The following ATRX variants were observed in gnomAD, a reference collection of about 807,000 sequenced individuals.
ATRX encodes chromatin remodeler ATRX.
ATRX carries 12 observed loss-of-function variants against 172.6 expected under a neutral mutation model. That is an observed-to-expected ratio of 0.07 (90% CI 0.04 to 0.11). ATRX has a LOEUF of 0.11. Among genes scored for constraint, ATRX ranks in the 10% least tolerant of loss-of-function variants. The pLI is 1.00. For missense variants in ATRX, 1,368 were observed against 1,767.4 expected, an observed-to-expected ratio of 0.77 and a Z score of 4.05; for synonymous variants, 674 against 594.7, an observed-to-expected ratio of 1.13 and a Z score of -1.94.
At chrX:77,762,469 T>C (rs2075754652) in intron 1 of ATRX, among the ~76,000 whole-genome samples, 1 of 110,716 alleles carries the variant, frequency 9.0e-6, no homozygotes, top group African/African-American at 3.3e-5. Flanking sequence ...TAATAAAGGT[T>C]CGTAGAACAT....
intron 12 of ATRX, among the ~76,000 whole-genome samples, chrX:77,662,194 A>T (rs1703015329): frequency 9.0e-6 from 1 of 111,587 alleles, no homozygotes; most frequent in South Asian, 3.7e-4. Flanking sequence ...TTTATAATAC[A>T]AAGGTCAATA....
At chrX:77,592,822 AAAAT>A (rs1462979126) in intron 26 of ATRX, among the ~76,000 whole-genome samples, 5 of 111,334 alleles carry the variant, frequency 4.5e-5, no homozygotes, top group African/African-American at 1.6e-4. Context: ...CAAAAAAAAA[AAAAT>A]AATGTTTTTG....
chrX:77,609,317 A>C (rs1386475218), intron 22 of ATRX, among the ~76,000 whole-genome samples: 1 of 111,984 alleles, frequency 8.9e-6, no homozygotes, highest in Non-Finnish European at 1.9e-5. Flanking sequence ...AACAGCCAAG[A>C]TTTGGAAGCA....
chrX:77,731,085 TAAAAAAAA>T (rs782512439), intron 1 of ATRX, among the ~76,000 whole-genome samples: 1 of 48,573 alleles, frequency 2.1e-5, no homozygotes, highest in African/African-American at 7.9e-5. Context: ...TTGGCCAGAG[TAAAAAAAA>T]AAAAAGAAAA....
At chrX:77,596,235 T>C (rs1312114908) in intron 25 of ATRX, 1 of 111,659 alleles carries the variant, frequency 9.0e-6, no homozygotes, top group Admixed American at 9.5e-5. Context: ...GTTAACCCTT[T>C]AATACTTCCT....
chrX:77,589,740 T>TG (rs2066165798), intron 27 of ATRX, 94 bp downstream of exon 27: 1 of 754,117 alleles, frequency 1.3e-6, no homozygotes, highest in African/African-American at 2.1e-5. Context: ...GTTGTGAGAC[T>TG]GGGTAGTTTT....
At chrX:77,603,131 T>C (rs1484384069) in intron 22 of ATRX, among the ~76,000 whole-genome samples, 3 of 111,020 alleles carry the variant, frequency 2.7e-5, no homozygotes, top group African/African-American at 9.8e-5. Context: ...AATTGAATAA[T>C]CTACAGGAAA....
chrX:77,711,493 G>A (rs1397414500), intron 2 of ATRX, among the ~76,000 whole-genome samples: 1 of 112,480 alleles, frequency 8.9e-6, no homozygotes, highest in African/African-American at 3.2e-5. Flanking sequence ...ATACTATTTA[G>A]AACTAATAAG....
At chrX:77,685,119 A>G (rs2071479605) in intron 7 of ATRX, 113 bp from the exon 8 acceptor site, 3 of 590,995 alleles carry the variant, frequency 5.1e-6, no homozygotes, top group African/African-American at 4.5e-5. Context: ...TCTCCAGGAC[A>G]CTGGTGTGGG....
intron 27 of ATRX, among the ~76,000 whole-genome samples, chrX:77,581,160 G>A (rs1303131176): frequency 1.8e-5 from 2 of 111,019 alleles, no homozygotes; most frequent in African/African-American, 6.5e-5. Context: ...GAAAGAAGAC[G>A]AGCCCAAAAA....
intron 34 of ATRX, among the ~76,000 whole-genome samples, chrX:77,510,124 G>A (rs2062822503): frequency 8.9e-6 from 1 of 112,108 alleles, no homozygotes; most frequent in Non-Finnish European, 1.9e-5. Context: ...AGGGCACCAG[G>A]CAGAGTCCTG....
intron 26 of ATRX, 133 bp from the exon 27 acceptor site, chrX:77,590,073 T>C (rs2066179613): frequency 1.7e-6 from 1 of 574,663 alleles, no homozygotes; most frequent in East Asian, 3.7e-5. Context: ...AATTACAAGG[T>C]GATTGTAAAA....
At chrX:77,710,933 AACAC>A (rs145847838) in intron 2 of ATRX, among the ~76,000 whole-genome samples, 18 of 97,926 alleles carry the variant, frequency 1.8e-4, no homozygotes, top group East Asian at 3.2e-4. Context: ...ATAGAACTTT[AACAC>A]ACACACACAC....
intron 30 of ATRX, among the ~76,000 whole-genome samples, chrX:77,550,257 A>T (rs1210025996): frequency 8.9e-6 from 1 of 111,872 alleles, no homozygotes; most frequent in Non-Finnish European, 1.9e-5. Flanking sequence ...AGTGCCAAGC[A>T]ATTATCCACC....
chrX:77,622,226 C>T (rs1476497057), intron 19 of ATRX, among the ~76,000 whole-genome samples: 3 of 111,770 alleles, frequency 2.7e-5, no homozygotes, highest in African/African-American at 9.8e-5. Context: ...CTCTGCAGCA[C>T]GGTTTGTTAC....
At chrX:77,535,032 A>C (rs781804144) in intron 30 of ATRX, among the ~76,000 whole-genome samples, 32 of 111,942 alleles carry the variant, frequency 2.9e-4, no homozygotes, top group Non-Finnish European at 4.9e-4. Context: ...AGCTATGAAA[A>C]ATTCCTTTTA....
At chrX:77,751,958 C>T (rs1434232918) in intron 1 of ATRX, among the ~76,000 whole-genome samples, 7 of 111,576 alleles carry the variant, frequency 6.3e-5, no homozygotes, top group Non-Finnish European at 1.1e-4. Flanking sequence ...AGGATGCCTC[C>T]AGCTTTGTTC....
intron 20 of ATRX, 84 bp from the exon 21 acceptor site, chrX:77,619,065 A>G: frequency 1.6e-6 from 1 of 634,180 alleles, no homozygotes; most frequent in Non-Finnish European, 2.5e-6. Context: ...TGCTCATGTC[A>G]AAAACACATG....
chrX:77,653,141 GGAGTTTT>G (rs1484211851), intron 14 of ATRX, among the ~76,000 whole-genome samples: 1 of 111,611 alleles, frequency 9.0e-6, no homozygotes, highest in Non-Finnish European at 1.9e-5. Flanking sequence ...AAAACAGTGT[GGAGTTTT>G]CCAAAAGTTA....
Sources: allele counts gnomAD v4.1 joint callset (sites outside exome capture counted in the v4.1 genomes callset), GRCh38; gene constraint gnomAD v4.1.1; transcripts MANE v1.5; gene names NCBI Gene and HGNC (gene_info 2026-07-23, HGNC 2026-07-21).